Variants in TMEM200A observed in about 807,000 individuals in gnomAD.
TMEM200A encodes the protein two transmembrane C.
In TMEM200A, 12 loss-of-function variants were observed where a neutral mutation model predicts 24.3. The ratio of observed to expected loss-of-function variants is 0.49; its 90% CI spans 0.32 to 0.80. The LOEUF is 0.80. TMEM200A is among the 30% of genes least tolerant of loss of function. The probability of loss-of-function intolerance (pLI) is 0.04; values close to 1 mark genes in which losing one functional copy is unlikely to be tolerated. For missense variants in TMEM200A, 545 were observed against 614.4 expected, an observed-to-expected ratio of 0.89 and a Z score of 1.19; for synonymous variants, 224 against 224.4, an observed-to-expected ratio of 1.00 and a Z score of 0.02.
chr6:130,416,010 A>G (rs1004591617), intron 2 of TMEM200A, among the ~76,000 whole-genome samples: 11 of 152,100 alleles, frequency 7.2e-5, no homozygotes, highest in African/African-American at 2.4e-4. Flanking sequence ...CAATGTAATT[A>G]TGACATTTAA....
chr6:130,441,234 G>C lies in TMEM200A; in HGVS notation c.812G>C (p.Gly271Ala). ...PSKTTDDKTSGSKKCETKSIV... is the reference protein window; with the variant it reads ...PSKTTDDKTSASKKCETKSIV... ...AAGACAACTGATGATAAGACCAGCG[G>C]CTCTAAGAAATGTGAAACCAAGTCA... Residue 271 changes from glycine (G) to alanine (A), a missense_variant, in exon 3 of 3, where the codon GGC (glycine) becomes GCC (alanine). By Grantham distance (60) the Gly-to-Ala change is moderately conservative. Coordinates refer to ENST00000296978, the MANE Select transcript of TMEM200A (RefSeq NM_001258277.2). The C allele has an allele frequency of 6.2e-7, 1 of 1,614,058 alleles. No homozygotes were observed. Among genetic ancestry groups the C allele is most frequent in the Middle Eastern group, 1.7e-4 (1 of 6,060 alleles).
intron 1 of TMEM200A, among the ~76,000 whole-genome samples, chr6:130,373,148 G>A (rs977663187): frequency 1.3e-5 from 2 of 152,192 alleles, no homozygotes; most frequent in Non-Finnish European, 2.9e-5. Context: ...CTGTCTCTAA[G>A]CTGAGGTTGG....
At chr6:130,396,581 G>A (rs988943138) in intron 2 of TMEM200A, among the ~76,000 whole-genome samples, 3 of 151,590 alleles carry the variant, frequency 2.0e-5, no homozygotes, top group African/African-American at 7.3e-5. Context: ...TTTGAGCATA[G>A]CCTTTAAAAA....
intron 2 of TMEM200A, among the ~76,000 whole-genome samples, chr6:130,426,755 G>T (rs746674591): frequency 6.6e-6 from 1 of 152,162 alleles, no homozygotes; most frequent in African/African-American, 2.4e-5. Flanking sequence ...GATGACCCAG[G>T]TGCAGAGAAA....
chr6:130,377,484 G>T (rs761028482), intron 1 of TMEM200A, among the ~76,000 whole-genome samples: 33 of 151,972 alleles, frequency 2.2e-4, no homozygotes, highest in Non-Finnish European at 4.4e-4. Context: ...CAGGCCTCTG[G>T]GACTCATCCC....
At position 130,366,333 on chromosome 6, in the gene TMEM200A, C is replaced by A; in HGVS notation, c.-272C>A. 1.0e-6 allele frequency: 1 copy of A among 985,306 alleles called. No homozygotes were observed. Among genetic ancestry groups the A allele is most frequent in the South Asian group, 4.7e-5 (1 of 21,282 alleles). The allele number at this position is 985,306 out of a possible 1,614,324, so 61.0% of individuals were successfully genotyped here. The stretch of plus-strand genomic sequence containing the variant: ...GCCTGACTCATCCGCCCGCGGTGGC[C>A]GCCCGAGCCCTGGGATGGGGAGGGA... On this transcript the variant is annotated 5_prime_UTR_variant, in exon 1 of 3. Transcript: ENST00000296978. This position sits in a 1 kb window ranked among gnomAD's most constrained non-coding sequence, Gnocchi z 4.4.
intron 2 of TMEM200A, chr6:130,438,057 T>A (rs906028128): frequency 1.1e-4 from 16 of 152,204 alleles, no homozygotes; most frequent in Admixed American, 6.5e-5. Context: ...ATAACTGGGC[T>A]AGAGGGCTGC....
chr6:130,422,507 T>C (rs1779620912), intron 2 of TMEM200A, among the ~76,000 whole-genome samples: 1 of 152,178 alleles, frequency 6.6e-6, no homozygotes, highest in African/African-American at 2.4e-5. Context: ...CCTCAAGTGA[T>C]CTGCCTGCCT....
rs1393661796 is a variant in TMEM200A, at chr6:130,440,932, T to C, written c.510T>C (p.Ile170=). Residue 170 remains isoleucine (I), a synonymous_variant, in exon 3 of 3, where the codon ATT becomes ATC. Transcript: ENST00000296978. ...MRDIYSTVID[I]HTLRIKEQRQ... ...ATATCTATTCCACAGTCATTGACAT[T>C]CACACGCTAAGAATCAAGGAGCAAA... 2 of 1,613,944 alleles carry C rather than the reference T, an allele frequency of 1.2e-6. No individual in the cohort carries two copies. Among genetic ancestry groups the C allele is most frequent in the African/African-American group, 1.3e-5 (1 of 74,920 alleles).
chr6:130,403,597 T>C (rs1021917103), intron 2 of TMEM200A, among the ~76,000 whole-genome samples: 27 of 152,208 alleles, frequency 1.8e-4, no homozygotes, highest in African/African-American at 5.5e-4. Context: ...ATCTATAGTT[T>C]TTGAGTAAAT....
chr6:130,396,258 GA>G (rs890001473), intron 2 of TMEM200A, among the ~76,000 whole-genome samples: 8 of 151,776 alleles, frequency 5.3e-5, no homozygotes, highest in African/African-American at 1.9e-4. Context: ...AAAAACTTAA[GA>G]AAAACCTTCT....
chr6:130,440,629 G>A lies in TMEM200A; in HGVS notation c.207G>A (p.Val69=). 6.2e-7 allele frequency: 1 copy of A among 1,613,852 alleles called. No individual in the cohort carries two copies. Among genetic ancestry groups the A allele is most frequent in the Non-Finnish European group, 8.5e-7 (1 of 1,179,846 alleles). Residue 69 remains valine (V), a synonymous_variant, in exon 3 of 3, where the codon GTG becomes GTA. Coordinates refer to ENST00000296978, the MANE Select transcript of TMEM200A (RefSeq NM_001258277.2). Reference sequence around the variant, plus strand: ...CTGGTTTTTTTCTTATTTTAGGAGTGCTCATCTCCATTATAGGAATTGCTA... The same window carrying A: ...CTGGTTTTTTTCTTATTTTAGGAGTACTCATCTCCATTATAGGAATTGCTA... The part of the protein sequence containing the change: ...SPSGFFLILG[V]LISIIGIAMA...
At chr6:130,408,996 C>T (rs907876533) in intron 2 of TMEM200A, among the ~76,000 whole-genome samples, 3 of 152,092 alleles carry the variant, frequency 2.0e-5, no homozygotes, top group Admixed American at 6.6e-5. Flanking sequence ...GAGATATGAA[C>T]GCCAGGCCAG....
intron 1 of TMEM200A, among the ~76,000 whole-genome samples, chr6:130,382,661 G>T (rs1427897195): frequency 2.6e-5 from 4 of 152,174 alleles, no homozygotes; most frequent in African/African-American, 9.7e-5. Flanking sequence ...GAGTTGAGTG[G>T]AGAGTGGAAC....
At chr6:130,408,259 G>C (rs1779252105) in intron 2 of TMEM200A, among the ~76,000 whole-genome samples, 1 of 152,172 alleles carries the variant, frequency 6.6e-6, no homozygotes, top group African/African-American at 2.4e-5. Context: ...GGATCAGGAG[G>C]GAGCATTCTG....
chr6:130,432,703 T>C (rs1212329869), intron 2 of TMEM200A, among the ~76,000 whole-genome samples: 1 of 152,228 alleles, frequency 6.6e-6, no homozygotes, highest in East Asian at 1.9e-4. Context: ...AAGCATTATA[T>C]ACATAACTTA....
intron 1 of TMEM200A, among the ~76,000 whole-genome samples, chr6:130,375,401 G>T (rs916344693): frequency 6.6e-6 from 1 of 152,194 alleles, no homozygotes; most frequent in Non-Finnish European, 1.5e-5. Context: ...TCAGGAGAAG[G>T]TTTATTAATT....
At chr6:130,368,349 G>T (rs1405933101) in intron 1 of TMEM200A, among the ~76,000 whole-genome samples, 5 of 152,098 alleles carry the variant, frequency 3.3e-5, no homozygotes, top group South Asian at 2.1e-4. Context: ...AAAGATAAAA[G>T]CAAATGTCAA....
intron 2 of TMEM200A, among the ~76,000 whole-genome samples, chr6:130,430,459 T>C (rs538022494): frequency 2.0e-5 from 3 of 152,060 alleles, no homozygotes; most frequent in East Asian, 1.9e-4. Context: ...AAATTGAAAA[T>C]CTATGTTTTC....
Sources: allele counts gnomAD v4.1 joint callset (sites outside exome capture counted in the v4.1 genomes callset), GRCh38; gene constraint gnomAD v4.1.1; non-coding constraint Gnocchi (gnomAD v3.1); transcripts MANE v1.5; gene names NCBI Gene and HGNC (gene_info 2026-07-23, HGNC 2026-07-21).